The following AGBL1 variants were observed in gnomAD, a reference collection of about 807,000 sequenced individuals.
AGBL1 encodes AGBL carboxypeptidase 1, also known as cytosolic carboxypeptidase 4.
AGBL1 carries 130 observed loss-of-function variants against 118.9 expected under a neutral mutation model. The observed-to-expected ratio is 1.09, with a 90% CI of 0.95 to 1.26. AGBL1 has a LOEUF of 1.26. Ranked by LOEUF, AGBL1 falls within the 50% of genes most tolerant of loss-of-function variation. AGBL1 has a pLI of 0.00. For synonymous variants in AGBL1, 555 were observed against 478.9 expected, an observed-to-expected ratio of 1.16 and a Z score of -2.08; for missense variants, 1,584 against 1,298.1, an observed-to-expected ratio of 1.22 and a Z score of -3.38.
chr15:86,866,982 T>G (rs1372874743), intron 22 of AGBL1, among the ~76,000 whole-genome samples: 1 of 152,208 alleles, frequency 6.6e-6, no homozygotes, highest in Non-Finnish European at 1.5e-5. Flanking sequence ...CCCATTTGAT[T>G]AACTAATGTC....
chr15:86,217,300 A>G (rs1357231591), intron 5 of AGBL1, among the ~76,000 whole-genome samples: 2 of 152,230 alleles, frequency 1.3e-5, no homozygotes, highest in Non-Finnish European at 2.9e-5. Flanking sequence ...GTTGAACGAA[A>G]GAATAATATA....
chr15:86,299,906 T>C (rs1371523727), intron 17 of AGBL1: 1 of 151,738 alleles, frequency 6.6e-6, no homozygotes, highest in Non-Finnish European at 1.5e-5. Context: ...GAATAAAGAG[T>C]CTTGGGGGGT....
At chr15:86,651,713 A>G (rs894060707) in intron 21 of AGBL1, among the ~76,000 whole-genome samples, 1 of 152,194 alleles carries the variant, frequency 6.6e-6, no homozygotes, top group Non-Finnish European at 1.5e-5. Context: ...TAGATTGCTA[A>G]TAAGTTCCAA....
At chr15:86,707,091 C>G (rs1198655270) in intron 22 of AGBL1, among the ~76,000 whole-genome samples, 1 of 152,122 alleles carries the variant, frequency 6.6e-6, no homozygotes, top group Non-Finnish European at 1.5e-5. Context: ...ATCTGTTCAT[C>G]TCTCTAGTTT....
intron 18 of AGBL1, among the ~76,000 whole-genome samples, chr15:86,517,643 T>C (rs905679225): frequency 1.8e-4 from 27 of 152,134 alleles, no homozygotes; most frequent in African/African-American, 4.6e-4. Flanking sequence ...GTGTTAGATC[T>C]CTTATCTTCC....
intron 1 of AGBL1, among the ~76,000 whole-genome samples, chr15:86,097,262 G>A (rs1367400390): frequency 1.3e-5 from 2 of 152,176 alleles, no homozygotes; most frequent in East Asian, 1.9e-4. Context: ...GAACGAGCAA[G>A]TCAGAGTAAT....
At chr15:86,762,937 C>T (rs896812110) in intron 22 of AGBL1, among the ~76,000 whole-genome samples, 1 of 151,808 alleles carries the variant, frequency 6.6e-6, no homozygotes, top group African/African-American at 2.4e-5. Context: ...TGGGTAGAGA[C>T]AGAAACAGAG....
intron 21 of AGBL1, among the ~76,000 whole-genome samples, chr15:86,608,726 C>A (rs2084618215): frequency 2.0e-5 from 3 of 152,160 alleles, no homozygotes; most frequent in African/African-American, 7.2e-5. Flanking sequence ...CAGTGTCAGT[C>A]AGTTGCTGCA....
intron 19 of AGBL1, among the ~76,000 whole-genome samples, chr15:86,529,286 A>G (rs1400973629): frequency 1.5e-5 from 2 of 134,482 alleles, no homozygotes; most frequent in Admixed American, 6.9e-5. Context: ...GCTGAAAACC[A>G]AGGCTCGAGA....
chr15:86,419,822 C>T (rs2081761474), intron 18 of AGBL1, among the ~76,000 whole-genome samples: 2 of 152,098 alleles, frequency 1.3e-5, no homozygotes, highest in Non-Finnish European at 2.9e-5. Flanking sequence ...GCAGTTTTCC[C>T]CTCACAGTGT....
intron 17 of AGBL1, among the ~76,000 whole-genome samples, chr15:86,364,378 G>A (rs1343967173): frequency 6.6e-6 from 1 of 152,168 alleles, no homozygotes; most frequent in Non-Finnish European, 1.5e-5. Flanking sequence ...TTAATTATGT[G>A]CTATAGTCAG....
intron 24 of AGBL1, among the ~76,000 whole-genome samples, chr15:87,023,938 G>T (rs2081696576): frequency 6.6e-6 from 1 of 151,932 alleles, no homozygotes; most frequent in Admixed American, 6.6e-5. Context: ...TGAACTGAAT[G>T]ACAATAGTGA....
chr15:86,804,050 GA>G (rs1029525224), intron 22 of AGBL1, among the ~76,000 whole-genome samples: 1 of 152,120 alleles, frequency 6.6e-6, no homozygotes, highest in African/African-American at 2.4e-5. Context: ...AAAGAGACAT[GA>G]AAAAAACCAA....
intron 22 of AGBL1, among the ~76,000 whole-genome samples, chr15:86,806,033 G>A (rs1488862388): frequency 6.6e-6 from 1 of 152,140 alleles, no homozygotes; most frequent in Non-Finnish European, 1.5e-5. Context: ...AGTGCTCAAG[G>A]CCCAGCATAT....
At chr15:86,218,973 C>T (rs1033420687) in intron 5 of AGBL1, among the ~76,000 whole-genome samples, 11 of 152,204 alleles carry the variant, frequency 7.2e-5, no homozygotes, top group Admixed American at 2.6e-4. Flanking sequence ...TGAGATAATA[C>T]ATGAATATTG....
chr15:86,662,227 CCT>C (rs1459853317), intron 21 of AGBL1, among the ~76,000 whole-genome samples: 11 of 152,334 alleles, frequency 7.2e-5, no homozygotes, highest in Non-Finnish European at 1.3e-4. Context: ...TTCTGCTATG[CCT>C]CTGTGTGTAA....
At chr15:86,142,798 C>T (rs1322700027) in intron 2 of AGBL1, among the ~76,000 whole-genome samples, 5 of 152,166 alleles carry the variant, frequency 3.3e-5, no homozygotes, top group Non-Finnish European at 7.3e-5. Context: ...TGAAGTCACT[C>T]GTCTTCTGGG....
At chr15:86,831,516 C>A (rs745756008) in intron 22 of AGBL1, among the ~76,000 whole-genome samples, 9 of 152,206 alleles carry the variant, frequency 5.9e-5, no homozygotes, top group African/African-American at 2.2e-4. Flanking sequence ...AAAGGGGCTA[C>A]ATGCAATTCT....
intron 5 of AGBL1, among the ~76,000 whole-genome samples, chr15:86,221,422 T>G (rs1192123150): frequency 6.6e-6 from 1 of 152,190 alleles, no homozygotes; most frequent in Admixed American, 6.5e-5. Flanking sequence ...CAGCTTAAGC[T>G]TTTGCTTTTT....
Sources: gnomAD v4.1 joint callset for allele counts (sites outside exome capture counted in the v4.1 genomes callset) on GRCh38, gnomAD v4.1.1 for gene constraint, MANE v1.5 for transcripts, NCBI Gene and HGNC (gene_info 2026-07-23, HGNC 2026-07-21) for gene names.